TMTC2: variants seen among roughly 807,000 people sequenced by gnomAD.
The protein encoded by TMTC2 is protein O-mannosyl-transferase TMTC2.
In TMTC2, 43 loss-of-function variants were observed where a neutral mutation model predicts 82.4. The ratio of observed to expected loss-of-function variants is 0.52; its 90% CI spans 0.41 to 0.67. The LOEUF is 0.67. Ranked by LOEUF, TMTC2 falls within the 30% of genes least tolerant of loss-of-function variation. The probability of loss-of-function intolerance (pLI) is 0.00; values close to 1 mark genes in which losing one functional copy is unlikely to be tolerated. For missense variants in TMTC2, 919 were observed against 1,012.4 expected (o/e 0.91, Z 1.25); for synonymous variants, 408 against 381.9 (o/e 1.07, Z -0.80).
chr12:82,932,571 A>AT (rs1322399117), intron 4 of TMTC2, among the ~76,000 whole-genome samples: 2 of 152,086 alleles, frequency 1.3e-5, no homozygotes, highest in African/African-American at 4.8e-5. Context: ...ATATTACTAT[A>AT]TTTTTTATTA....
At chr12:82,823,244 A>G (rs1445805961) in intron 1 of TMTC2, among the ~76,000 whole-genome samples, 1 of 152,196 alleles carries the variant, frequency 6.6e-6, no homozygotes, top group African/African-American at 2.4e-5. Flanking sequence ...ATTGAAGTAT[A>G]TTGGATTTAT....
chr12:83,071,016 A>T (rs1362556533), intron 11 of TMTC2, among the ~76,000 whole-genome samples: 1 of 152,168 alleles, frequency 6.6e-6, no homozygotes, highest in African/African-American at 2.4e-5. Context: ...ATGTTAAACC[A>T]TTCCTGCATC....
At chr12:82,960,172 G>T (rs1877851482) in intron 4 of TMTC2, among the ~76,000 whole-genome samples, 1 of 151,852 alleles carries the variant, frequency 6.6e-6, no homozygotes. Flanking sequence ...AAAACAATAG[G>T]TGCTGGTGAG....
chr12:82,701,526 C>A (rs1274468335), intron 1 of TMTC2, among the ~76,000 whole-genome samples: 1 of 145,700 alleles, frequency 6.9e-6, no homozygotes, highest in South Asian at 2.2e-4. Flanking sequence ...CCGAGGCGGG[C>A]GGATCACCTG....
intron 11 of TMTC2, among the ~76,000 whole-genome samples, chr12:83,081,286 CT>C (rs1883458864): frequency 6.6e-6 from 1 of 152,156 alleles, no homozygotes; most frequent in Non-Finnish European, 1.5e-5. Context: ...TTACTTTGCT[CT>C]GGCCTGACTC....
In TMTC2 at chr12:82,878,214, G is replaced by C. The variant is rs892024449; in HGVS notation, c.655-17604G>C. 5.3e-5 allele frequency among the ~76,000 whole-genome samples: 8 copies of C among 152,310 alleles called. No homozygotes were observed. The East Asian group carries it at 1.5e-3, about 29-fold the overall frequency. ...ATAGTAAGTCAGTGAACAAAACATA[G>C]ATAAATCCTTGCCCTTTCAGAGCTG... On this transcript the variant is annotated intron_variant, in intron 2 of 11. Transcript: ENST00000321196.
chr12:82,738,679 T>C (rs926589296), intron 1 of TMTC2, among the ~76,000 whole-genome samples: 2 of 152,222 alleles, frequency 1.3e-5, no homozygotes, highest in Non-Finnish European at 2.9e-5. Context: ...GTCATTCATA[T>C]GGAATGAGAA....
chr12:82,831,899 A>G (rs539939413), intron 1 of TMTC2, among the ~76,000 whole-genome samples: 1 of 152,298 alleles, frequency 6.6e-6, no homozygotes, highest in Non-Finnish European at 1.5e-5. Flanking sequence ...TCGTACGAAG[A>G]ACTTTTGATG....
chr12:82,942,745 C>T (rs966532574), intron 4 of TMTC2, among the ~76,000 whole-genome samples: 1 of 151,992 alleles, frequency 6.6e-6, no homozygotes, highest in African/African-American at 2.4e-5. Context: ...AGAATTACTA[C>T]ATGATGACCT....
chr12:82,772,999 G>A (rs1345829703), intron 1 of TMTC2, among the ~76,000 whole-genome samples: 1 of 152,042 alleles, frequency 6.6e-6, no homozygotes, highest in Admixed American at 6.5e-5. Context: ...GGTATTTTTT[G>A]TTTGTGTTTA....
intron 1 of TMTC2, among the ~76,000 whole-genome samples, chr12:82,765,186 A>T (rs1339039972): frequency 6.6e-6 from 1 of 152,100 alleles, no homozygotes; most frequent in African/African-American, 2.4e-5. Context: ...CGAGCTTGAC[A>T]TTTCCCTTTG....
At chr12:82,993,900 T>C (rs1879503893) in intron 8 of TMTC2, among the ~76,000 whole-genome samples, 1 of 152,134 alleles carries the variant, frequency 6.6e-6, no homozygotes, top group Non-Finnish European at 1.5e-5. Context: ...TGTCTGCTAT[T>C]TGCAAAGAGG....
At chr12:83,002,502 G>A (rs1410611147) in intron 8 of TMTC2, among the ~76,000 whole-genome samples, 2 of 152,136 alleles carry the variant, frequency 1.3e-5, no homozygotes, top group Non-Finnish European at 2.9e-5. Context: ...TGCGATGTTA[G>A]ATTTTGAATT....
intron 8 of TMTC2, among the ~76,000 whole-genome samples, chr12:83,024,884 A>G (rs11115535): frequency 0.7 from 106,318 of 152,086 alleles, 37,210 homozygotes; most frequent in East Asian, 0.85. Flanking sequence ...GTAACTATAA[A>G]CTATTAAGTT....
At chr12:82,984,080 C>T (rs1879048273) in intron 7 of TMTC2, among the ~76,000 whole-genome samples, 1 of 151,436 alleles carries the variant, frequency 6.6e-6, no homozygotes, top group Non-Finnish European at 1.5e-5. Flanking sequence ...TCTAATCTAT[C>T]ATTTTAACAA....
At chr12:83,083,652 C>T (rs892271595) in intron 11 of TMTC2, among the ~76,000 whole-genome samples, 6 of 152,140 alleles carry the variant, frequency 3.9e-5, no homozygotes, top group South Asian at 2.1e-4. Context: ...AGCTGTTGTC[C>T]TCTCTGTGCC....
At chr12:82,778,927 C>T (rs905385828) in intron 1 of TMTC2, among the ~76,000 whole-genome samples, 2 of 141,504 alleles carry the variant, frequency 1.4e-5, no homozygotes, top group African/African-American at 5.3e-5. Flanking sequence ...GTCCCAGCTA[C>T]TTGGGAGGCT....
chr12:83,046,633 C>T (rs1422555188), intron 9 of TMTC2, among the ~76,000 whole-genome samples: 1 of 152,162 alleles, frequency 6.6e-6, no homozygotes, highest in Non-Finnish European at 1.5e-5. Flanking sequence ...ATTAGCTGTT[C>T]CTACTCACTG....
At chr12:82,898,966 A>AAG (rs1873821410) in intron 3 of TMTC2, among the ~76,000 whole-genome samples, 1 of 152,198 alleles carries the variant, frequency 6.6e-6, no homozygotes, top group African/African-American at 2.4e-5. Flanking sequence ...ATTAGCTGGT[A>AAG]TTTTTGCTGA....
Sources: allele counts gnomAD v4.1 joint callset (sites outside exome capture counted in the v4.1 genomes callset), GRCh38; gene constraint gnomAD v4.1.1; transcripts MANE v1.5; gene names NCBI Gene and HGNC (gene_info 2026-07-23, HGNC 2026-07-21).